Variants in SMAD9 observed in about 807,000 individuals in gnomAD.
The protein encoded by SMAD9 is MAD homolog 9.
A neutral mutation model predicts 46.1 loss-of-function variants in SMAD9; 36 were observed. That is an observed-to-expected ratio of 0.78 (90% CI 0.60 to 1.03). SMAD9 has a LOEUF of 1.03. SMAD9 is among the 50% of genes least tolerant of loss of function. The pLI is 0.00. For synonymous variants in SMAD9, 245 were observed against 237.1 expected, an observed-to-expected ratio of 1.03 and a Z score of -0.31; for missense variants, 572 against 599.8, an observed-to-expected ratio of 0.95 and a Z score of 0.48.
intron 4 of SMAD9, 115 bp downstream of exon 4, chr13:36,867,158 A>G (rs2058242840): frequency 1.4e-6 from 1 of 721,052 alleles, no homozygotes; most frequent in Non-Finnish European, 2.5e-6. Context: ...CTTAAAACAC[A>G]TGCAAAACAG....
intron 3 of SMAD9, among the ~76,000 whole-genome samples, chr13:36,868,770 G>C (rs890218956): frequency 2.0e-5 from 3 of 152,206 alleles, no homozygotes; most frequent in South Asian, 2.1e-4. Flanking sequence ...ACTGAAAATA[G>C]AATTACCATA....
At chr13:36,864,509 C>G (rs535110493) in intron 5 of SMAD9, among the ~76,000 whole-genome samples, 1 of 152,322 alleles carries the variant, frequency 6.6e-6, no homozygotes, top group East Asian at 1.9e-4. Flanking sequence ...TCTCCCCTCC[C>G]CTCGACCCGT....
At chr13:36,906,475 T>C (rs1176103904) in intron 1 of SMAD9, among the ~76,000 whole-genome samples, 1 of 152,056 alleles carries the variant, frequency 6.6e-6, no homozygotes, top group East Asian at 1.9e-4. Flanking sequence ...CCAGAATATA[T>C]CTCATCACCA....
intron 3 of SMAD9, among the ~76,000 whole-genome samples, chr13:36,867,979 A>C (rs956054910): frequency 6.6e-6 from 1 of 152,218 alleles, no homozygotes; most frequent in Non-Finnish European, 1.5e-5. Context: ...GTAAAAACTC[A>C]TGAGGCACAG....
intron 5 of SMAD9, among the ~76,000 whole-genome samples, chr13:36,860,161 G>A (rs1248542834): frequency 6.6e-6 from 1 of 152,028 alleles, no homozygotes; most frequent in Non-Finnish European, 1.5e-5. Context: ...TCTGGGTCAG[G>A]ACCGCTTTCC....
intron 1 of SMAD9, among the ~76,000 whole-genome samples, chr13:36,917,411 T>TG (rs397715844): frequency 6.6e-6 from 1 of 151,758 alleles, no homozygotes; most frequent in South Asian, 2.1e-4. Flanking sequence ...TTTTTTTTTT[T>TG]GCTTTAGAAT....
At chr13:36,867,759 A>G (rs914815975) in intron 3 of SMAD9, among the ~76,000 whole-genome samples, 1 of 152,204 alleles carries the variant, frequency 6.6e-6, no homozygotes, top group Non-Finnish European at 1.5e-5. Flanking sequence ...AAGTGAGCTT[A>G]ATTTTCAGCT....
chr13:36,916,819 G>A (rs75237038), intron 1 of SMAD9, among the ~76,000 whole-genome samples: 1 of 151,090 alleles, frequency 6.6e-6, no homozygotes, highest in African/African-American at 2.4e-5. Flanking sequence ...TGAAGGCAGC[G>A]CCTGAACAGG....
intron 1 of SMAD9, among the ~76,000 whole-genome samples, chr13:36,910,113 C>T (rs2058649261): frequency 1.3e-5 from 2 of 151,720 alleles, no homozygotes; most frequent in Admixed American, 1.3e-4. Flanking sequence ...AGGAGAATGG[C>T]ATGAACCGGG....
intron 1 of SMAD9, among the ~76,000 whole-genome samples, chr13:36,900,760 A>G (rs904920682): frequency 6.6e-6 from 1 of 151,978 alleles, no homozygotes; most frequent in Non-Finnish European, 1.5e-5. Context: ...TTTTAAAAAA[A>G]TTATTAAAGT....
intron 2 of SMAD9, among the ~76,000 whole-genome samples, chr13:36,875,287 T>C (rs1331086952): frequency 1.3e-5 from 2 of 152,236 alleles, no homozygotes; most frequent in African/African-American, 2.4e-5. Context: ...AAGTCTGCCA[T>C]CTGCCTTTGA....
At chr13:36,900,684 T>C (rs1456619724) in intron 1 of SMAD9, among the ~76,000 whole-genome samples, 1 of 142,790 alleles carries the variant, frequency 7.0e-6, no homozygotes, top group East Asian at 2.0e-4. Flanking sequence ...TCATTATGAC[T>C]ACACACACAC....
chr13:36,859,195 T>C (rs2058155492), intron 5 of SMAD9, among the ~76,000 whole-genome samples: 1 of 152,218 alleles, frequency 6.6e-6, no homozygotes, highest in Admixed American at 6.5e-5. Flanking sequence ...TTGCTTTTTT[T>C]AAGATGAGAA....
At chr13:36,852,400 C>T (rs2058081951) in intron 6 of SMAD9, 1 of 985,052 alleles carries the variant, frequency 1.0e-6, no homozygotes, top group Admixed American at 6.2e-5. Context: ...TTTGCGAGTA[C>T]TTTGCAACAG....
chr13:36,907,951 C>T (rs2058631893), intron 1 of SMAD9, among the ~76,000 whole-genome samples: 1 of 152,162 alleles, frequency 6.6e-6, no homozygotes, highest in African/African-American at 2.4e-5. Flanking sequence ...TCGCCCAGGC[C>T]CAGTTACATA....
chr13:36,887,350 G>A (rs1358724395), intron 1 of SMAD9, among the ~76,000 whole-genome samples: 1 of 150,520 alleles, frequency 6.6e-6, no homozygotes, highest in Non-Finnish European at 1.5e-5. Flanking sequence ...AGTGTCCTGA[G>A]TAGCTGGGAT....
At position 36,872,754 on chromosome 13, in the gene SMAD9, A is replaced by G; in HGVS notation, c.574T>C (p.Ser192Pro). 1 of 1,613,942 alleles carries G rather than the reference A, an allele frequency of 6.2e-7. No homozygotes were observed. Among genetic ancestry groups the G allele is most frequent in the African/African-American group, 1.3e-5 (1 of 74,980 alleles). ...GACTGGGAGAACGCGTGGCTGGGTG[A>G]GGGAGGGAGTGCAGAGCACGGAGGC... ...QQPPCSALPP[S>P]PSHAFSQSPC... Residue 192 changes from serine to proline, a missense_variant, in exon 3 of 7, where the codon TCA (serine) becomes CCA (proline). By Grantham distance (74) the Ser-to-Pro change is moderately conservative. Transcript: ENST00000379826.
chr13:36,867,143 T>C, intron 4 of SMAD9, 130 bp downstream of exon 4: 1 of 660,330 alleles, frequency 1.5e-6, no homozygotes, highest in Admixed American at 2.2e-5. Context: ...CCATCCCATT[T>C]GCCTCTTAAA....
rs373635291 is a variant in SMAD9 at position 36,893,696 on chromosome 13, C to G, written c.-186-13821G>C. Among the ~76,000 whole-genome samples, 11 of 151,626 alleles carry G rather than the reference C, an allele frequency of 7.3e-5. No homozygotes were observed. The East Asian group carries it at 9.6e-4, about 13-fold the overall frequency. ...TAGAAGATGACATAGAGTATGAAATCATTTAGTTTAAAAAGAAATAAAAAC... is the reference window on the plus strand; with the variant it reads ...TAGAAGATGACATAGAGTATGAAATGATTTAGTTTAAAAAGAAATAAAAAC... On this transcript the variant is annotated intron_variant, in intron 1 of 6. Coordinates refer to ENST00000379826, the MANE Select transcript of SMAD9 (RefSeq NM_001127217.3).
Sources: gnomAD v4.1 joint callset for allele counts (sites outside exome capture counted in the v4.1 genomes callset) on GRCh38, gnomAD v4.1.1 for gene constraint, MANE v1.5 for transcripts, NCBI Gene and HGNC (gene_info 2026-07-23, HGNC 2026-07-21) for gene names.